PPP1R12C: variants seen among roughly 807,000 people sequenced by gnomAD.
PPP1R12C encodes the protein leukocyte receptor cluster (LRC) encoded novel gene 3.
In PPP1R12C, 48 loss-of-function variants were observed where a neutral mutation model predicts 95.6. The observed-to-expected ratio is 0.50, with a 90% CI of 0.40 to 0.64. PPP1R12C has a LOEUF of 0.64. PPP1R12C is among the 30% of genes least tolerant of loss of function. The pLI is 0.00. For missense variants in PPP1R12C, 1,057 were observed against 1,083.3 expected (o/e 0.98, Z 0.34); for synonymous variants, 480 against 460.8 (o/e 1.04, Z -0.53).
chr19:55,113,521 A>G, intron 1 of PPP1R12C: 2 of 1,392,334 alleles, frequency 1.4e-6, no homozygotes, highest in Non-Finnish European at 9.3e-7. Context: ...ACTTGGGGGG[A>G]CAAAAGCCGA....
Position 55,096,332 on chromosome 19 carries a change from G to T in PPP1R12C, c.955C>A (p.Arg319=). Residue 319 remains arginine (R), a synonymous_variant, in exon 7 of 22, where the codon CGG becomes AGG. Transcript: ENST00000263433. ...EELARKQEDL[R]NQKEASQSRG... ...CTCTGGGAAGCTTCTTTTTGGTTCCGAAGCTGCAAGGAGGGAAGGGGGCTG... is the reference window on the plus strand; with the variant it reads ...CTCTGGGAAGCTTCTTTTTGGTTCCTAAGCTGCAAGGAGGGAAGGGGGCTG... The T allele has an allele frequency of 6.2e-7, 1 of 1,613,370 alleles. No homozygotes were observed. Among genetic ancestry groups the T allele is most frequent in the Non-Finnish European group, 8.5e-7 (1 of 1,179,840 alleles).
intron 3 of PPP1R12C, among the ~76,000 whole-genome samples, chr19:55,104,384 T>C (rs2085015254): frequency 6.6e-6 from 1 of 151,278 alleles, no homozygotes; most frequent in East Asian, 1.9e-4. Context: ...GTAATGGTGA[T>C]AAAATGTATG....
chr19:55,096,712 T>G (rs956994647), intron 6 of PPP1R12C: 6 of 383,914 alleles, frequency 1.6e-5, no homozygotes, highest in Non-Finnish European at 2.9e-5. Context: ...GGCACTCGCC[T>G]CCTCCTTCCC....
rs562026249 is a variant in PPP1R12C at position 55,094,406 on chromosome 19, T to A, written c.1622A>T (p.Glu541Val). The part of the protein sequence containing the change: ...RSYQMPVRDE[E>V]SESQRKARSR... The stretch of plus-strand genomic sequence containing the variant: ...GCGAGCTTTTCTCTGGGATTCCGAC[T>A]CCTCATCCCGCACAGGCATCTGGTA... The change falls in exon 13 of 22, where the codon GAG becomes GTG. Residue 541 changes from glutamate (E) to valine (V), a missense_variant. This residue lies in a region of PPP1R12C where 356 missense variants were observed against 330.5 expected (regional missense o/e 1.08). Coordinates refer to ENST00000263433, the MANE Select transcript of PPP1R12C (RefSeq NM_017607.4). 2 of 1,613,686 alleles carry A rather than the reference T, an allele frequency of 1.2e-6. No homozygotes were observed. Among genetic ancestry groups the A allele is most frequent in the Admixed American group, 1.7e-5 (1 of 60,002 alleles).
intron 4 of PPP1R12C, 58 bp from the exon 5 acceptor site, chr19:55,099,153 G>A (rs2084954969): frequency 5.5e-6 from 8 of 1,451,562 alleles, no homozygotes; most frequent in African/African-American, 1.4e-5. Flanking sequence ...GCCGAGGGCT[G>A]ATTTCGGCCA....
intron 1 of PPP1R12C, chr19:55,113,776 G>A (rs1188211360): frequency 3.2e-6 from 1 of 313,412 alleles, no homozygotes; most frequent in African/African-American, 2.1e-5. Flanking sequence ...CCTGGGAACG[G>A]GATGAACTCG....
rs965220723 is a variant in PPP1R12C, at chr19:55,103,545, G to A, written c.595C>T (p.Arg199Trp). The A allele has an allele frequency of 2.5e-6, 4 of 1,590,944 alleles. No individual in the cohort carries two copies. Among genetic ancestry groups the A allele is most frequent in the Non-Finnish European group, 3.4e-6 (4 of 1,164,114 alleles). Residue 199 changes from arginine to tryptophan, a missense_variant, in exon 4 of 22, where the codon CGG becomes TGG. Around this residue, in one of 5 missense-constraint regions of PPP1R12C, gnomAD observed 282 missense variants for 380.4 expected, o/e 0.74. Coordinates refer to ENST00000263433, the MANE Select transcript of PPP1R12C (RefSeq NM_017607.4). ...RRGVDVEAAKRAEEELLLHDT... is the reference protein window; with the variant it reads ...RRGVDVEAAKWAEEELLLHDT... ...TGAAGGAGCAATTCCTCTTCTGCCC[G>A]CTTGGCTGCTTCCACATCCACACCT...
intron 3 of PPP1R12C, among the ~76,000 whole-genome samples, chr19:55,104,690 T>A (rs1181619751): frequency 2.0e-5 from 3 of 148,636 alleles, no homozygotes; most frequent in Non-Finnish European, 4.5e-5. Flanking sequence ...AGAGTGAGAC[T>A]CCGTCTCCAA....
chr19:55,110,974 T>C (rs1273623856), intron 3 of PPP1R12C, among the ~76,000 whole-genome samples: 2 of 150,760 alleles, frequency 1.3e-5, no homozygotes, highest in African/African-American at 4.9e-5. Flanking sequence ...TAGGAAAAAA[T>C]GTGTTTATGT....
In PPP1R12C at chr19:55,094,801, G is replaced by A; in HGVS notation, c.1455-3C>T. 3.1e-6 allele frequency: 5 copies of A among 1,588,574 alleles called. No homozygotes were observed. The highest frequency in any genetic ancestry group is 3.4e-6 in the Non-Finnish European group (4 of 1,170,306). ...GAGGAGGCTTGGTGACCTCAGACCTGCATCAATTCATTCATTCCACAAACA... is the reference window on the plus strand; with the variant it reads ...GAGGAGGCTTGGTGACCTCAGACCTACATCAATTCATTCATTCCACAAACA... On this transcript the variant is annotated splice_region_variant and splice_polypyrimidine_tract_variant and intron_variant, in intron 11 of 21. Transcript: ENST00000263433.
intron 4 of PPP1R12C, among the ~76,000 whole-genome samples, chr19:55,100,658 G>A (rs961329853): frequency 6.6e-6 from 1 of 152,216 alleles, no homozygotes; most frequent in Non-Finnish European, 1.5e-5. Context: ...TGTCACCCAG[G>A]CTGGAGTGCA....
rs1429705660 is a variant in PPP1R12C at position 55,104,218 on chromosome 19, A to AC, written c.572-651_572-650insG. Among the ~76,000 whole-genome samples, 9 of 144,190 alleles carry AC rather than the reference A, an allele frequency of 6.2e-5. No homozygotes were observed. In the East Asian group the frequency reaches 7.9e-4, roughly 13 times the overall value. The allele number at this position is 144,190 out of a possible 152,430, so 94.6% of individuals were successfully genotyped here. On this transcript the variant is annotated intron_variant, in intron 3 of 21. Transcript: ENST00000263433. ...TATATATACACACACACACACATACAAAAATATAAATATAAAAAATATTTA... is the reference window on the plus strand; with the variant it reads ...TATATATACACACACACACACATACACAAAATATAAATATAAAAAATATTTA...
chr19:55,095,754 T>C, intron 9 of PPP1R12C, 113 bp downstream of exon 9: 1 of 1,524,462 alleles, frequency 6.6e-7, no homozygotes, highest in South Asian at 1.1e-5. Context: ...CCAGGACGAC[T>C]CTGGGAACTA....
At position 55,092,447 on chromosome 19, in the gene PPP1R12C, T is replaced by C. The variant is rs1414877984; in HGVS notation, c.2050A>G (p.Arg684Gly). 1 of 1,607,700 alleles carries C rather than the reference T, an allele frequency of 6.2e-7. No individual in the cohort carries two copies. Among genetic ancestry groups the C allele is most frequent in the Admixed American group, 1.7e-5 (1 of 59,316 alleles). The change falls in exon 18 of 22, where the codon AGG (arginine) becomes GGG (glycine). Residue 684 changes from arginine (R) to glycine (G), a missense_variant. Around this residue, in one of 5 missense-constraint regions of PPP1R12C, gnomAD observed 347 missense variants for 307.9 expected, o/e 1.13. Coordinates refer to ENST00000263433, the MANE Select transcript of PPP1R12C (RefSeq NM_017607.4). Reference sequence around the variant, plus strand: ...ACGGAGGGGTGGGATCGCACCGTCCTAAAGCCTCCGTCTGGCTCTTCCGAT... The same window carrying C: ...ACGGAGGGGTGGGATCGCACCGTCCCAAAGCCTCCGTCTGGCTCTTCCGAT... Reference protein sequence around the residue: ...PESEEPDGGFRTLYAELRREN... With the variant: ...PESEEPDGGFGTLYAELRREN...
chr19:55,095,784 C>T (rs529521922), intron 9 of PPP1R12C, 83 bp downstream of exon 9: 3 of 1,552,386 alleles, frequency 1.9e-6, no homozygotes, highest in South Asian at 1.1e-5. Flanking sequence ...CCCTATCTGC[C>T]CCTGCCAGAG....
In PPP1R12C at chr19:55,117,633, G is replaced by A; in HGVS notation, c.-90C>T. ...GCCCGCCCGCCCCGGGGGCCGCCGG[G>A]AACTGCCGCTGGCCCCCCACCGCCC... On this transcript the variant is annotated 5_prime_UTR_variant, in exon 1 of 22. Transcript: ENST00000263433. 1.2e-6 allele frequency: 1 copy of A among 838,332 alleles called. No homozygotes were observed. Among genetic ancestry groups the A allele is most frequent in the Non-Finnish European group, 1.4e-6 (1 of 699,140 alleles). The allele number at this position is 838,332 out of a possible 1,614,324, so 51.9% of individuals were successfully genotyped here.
intron 3 of PPP1R12C, among the ~76,000 whole-genome samples, chr19:55,103,877 G>A (rs116013390): frequency 0.044 from 6,622 of 151,640 alleles, 517 homozygotes; most frequent in African/African-American, 0.15. Flanking sequence ...ATGGCCGGGT[G>A]CAGTGGCTCA....
rs770131472 is a variant in PPP1R12C at position 55,112,567 on chromosome 19, C to T, written c.471G>A (p.Gly157=). 4.8e-5 allele frequency: 77 copies of T among 1,613,194 alleles called. No individual in the cohort carries two copies. The highest frequency in any genetic ancestry group is 6.2e-5 in the Non-Finnish European group (73 of 1,179,704). The stretch of plus-strand genomic sequence containing the variant: ...CACTGTTGACGGCGGCGATGTTGGC[C>T]CCGTGGCTCAGGAGGTACCTGGGGG... ...LDIARYLLSH[G]ANIAAVNSDG... is the part of the protein sequence containing the mutation. The change falls in exon 3 of 22, where the codon GGG becomes GGA. Residue 157 remains glycine, a synonymous_variant. Transcript: ENST00000263433.
At chr19:55,107,935 C>CTTTTT (rs34454787) in intron 3 of PPP1R12C, among the ~76,000 whole-genome samples, 4,754 of 134,604 alleles carry the variant, frequency 0.035, 390 homozygotes, top group African/African-American at 0.13. Context: ...AATTTACCAT[C>CTTTTT]TTTTTTTTTT....
Sources: gnomAD v4.1 joint callset for allele counts (sites outside exome capture counted in the v4.1 genomes callset) on GRCh38, gnomAD v4.1.1 for gene constraint, gnomAD v4.1.1 regional missense constraint, MANE v1.5 for transcripts, NCBI Gene and HGNC (gene_info 2026-07-23, HGNC 2026-07-21) for gene names.